ANKFN1: variants seen among roughly 807,000 people sequenced by gnomAD.
ANKFN1 encodes the protein ankyrin repeat and fibronectin type III domain containing 1, also known as ankyrin repeat and fibronectin type-III domain-containing protein 1.
Under a neutral mutation model 108.7 loss-of-function variants are expected in ANKFN1, and 74 were observed. That is an observed-to-expected ratio of 0.68 (90% CI 0.56 to 0.83). ANKFN1 has a LOEUF of 0.83. Ranked by LOEUF, ANKFN1 falls within the 40% of genes least tolerant of loss-of-function variation. The probability of loss-of-function intolerance (pLI) is 0.00; values close to 1 mark genes in which losing one functional copy is unlikely to be tolerated. For missense variants in ANKFN1, 1,505 were observed against 1,382.3 expected (o/e 1.09, Z -1.41); for synonymous variants, 547 against 516.2 (o/e 1.06, Z -0.81).
At chr17:56,502,573 C>A (rs2051409000) in intron 20 of ANKFN1, among the ~76,000 whole-genome samples, 1 of 152,180 alleles carries the variant, frequency 6.6e-6, no homozygotes, top group Non-Finnish European at 1.5e-5. Flanking sequence ...TGTCCTACCC[C>A]TCACAAAAGC....
At chr17:56,379,120 C>T (rs962640526) in intron 8 of ANKFN1, among the ~76,000 whole-genome samples, 9 of 152,064 alleles carry the variant, frequency 5.9e-5, no homozygotes, top group African/African-American at 1.7e-4. Flanking sequence ...AAGGTCAGGC[C>T]GGGCGCGGTG....
chr17:56,385,374 A>T (rs1183970651), intron 8 of ANKFN1, among the ~76,000 whole-genome samples: 1 of 152,252 alleles, frequency 6.6e-6, no homozygotes, highest in Non-Finnish European at 1.5e-5. Context: ...ACCCTAGAAG[A>T]AAGCCTAGGC....
At chr17:56,243,489 G>A (rs572890959) in intron 3 of ANKFN1, among the ~76,000 whole-genome samples, 4 of 152,250 alleles carry the variant, frequency 2.6e-5, no homozygotes, top group East Asian at 1.9e-4. Context: ...CAAGGACAGC[G>A]AACTTTTTCT....
intron 8 of ANKFN1, among the ~76,000 whole-genome samples, chr17:56,397,563 A>G (rs1049624967): frequency 1.3e-5 from 2 of 152,240 alleles, no homozygotes; most frequent in African/African-American, 2.4e-5. Context: ...GATTAACTAT[A>G]TTCTAAAAAA....
chr17:56,467,525 C>G (rs2050116110), intron 15 of ANKFN1, among the ~76,000 whole-genome samples: 2 of 151,342 alleles, frequency 1.3e-5, no homozygotes, highest in Admixed American at 6.6e-5. Context: ...ACTAGAAATA[C>G]AAAAATTAGC....
intron 4 of ANKFN1, among the ~76,000 whole-genome samples, chr17:56,329,242 G>A (rs937109808): frequency 6.6e-6 from 1 of 152,132 alleles, no homozygotes; most frequent in African/African-American, 2.4e-5. Flanking sequence ...TGTGGTTGAT[G>A]AAATGTACCA....
At chr17:56,330,288 A>G (rs567237100) in intron 4 of ANKFN1, among the ~76,000 whole-genome samples, 1 of 152,308 alleles carries the variant, frequency 6.6e-6, no homozygotes, top group South Asian at 2.1e-4. Flanking sequence ...ACATGGCGGC[A>G]GGCAAGAGCA....
At chr17:56,373,589 C>T (rs943972151) in intron 7 of ANKFN1, among the ~76,000 whole-genome samples, 3 of 152,184 alleles carry the variant, frequency 2.0e-5, no homozygotes, top group African/African-American at 7.2e-5. Context: ...AAGGTCTCTG[C>T]CTCTGCTGCA....
At chr17:56,457,818 T>C in intron 13 of ANKFN1, 45 bp from the exon 14 acceptor site, 1 of 1,437,556 alleles carries the variant, frequency 7.0e-7, no homozygotes, top group Non-Finnish European at 9.8e-7. Context: ...ACCTAAATCA[T>C]GTACTGGCTT....
At chr17:56,048,475 T>C (rs1334428920) in intron 4 of ANKFN1, among the ~76,000 whole-genome samples, 1 of 152,026 alleles carries the variant, frequency 6.6e-6, no homozygotes, top group African/African-American at 2.4e-5. Context: ...GCACATTAGA[T>C]TCTTTATTTT....
At chr17:56,384,227 C>T (rs1028743205) in intron 8 of ANKFN1, among the ~76,000 whole-genome samples, 3 of 152,172 alleles carry the variant, frequency 2.0e-5, no homozygotes, top group African/African-American at 7.2e-5. Flanking sequence ...AAGACGAAAA[C>T]CACGTGATTA....
intron 8 of ANKFN1, among the ~76,000 whole-genome samples, chr17:56,378,147 C>G: frequency 6.6e-6 from 1 of 152,210 alleles, no homozygotes; most frequent in East Asian, 1.9e-4. Flanking sequence ...CATAGTGTAT[C>G]TGCTTCTGCA....
At chr17:56,094,672 T>TG (rs1326407515) in intron 4 of ANKFN1, among the ~76,000 whole-genome samples, 1 of 76,384 alleles carries the variant, frequency 1.3e-5, no homozygotes, top group Non-Finnish European at 2.7e-5. Flanking sequence ...CCCAGCTAAT[T>TG]GGGTTTTTTT....
chr17:56,164,809 T>C (rs775179503), intron 1 of ANKFN1, among the ~76,000 whole-genome samples: 2 of 152,216 alleles, frequency 1.3e-5, no homozygotes, highest in East Asian at 1.9e-4. Flanking sequence ...TTGAAAATAC[T>C]TGATGGTGAT....
intron 4 of ANKFN1, among the ~76,000 whole-genome samples, chr17:56,082,247 T>G (rs1905254436): frequency 6.6e-6 from 1 of 151,872 alleles, no homozygotes; most frequent in East Asian, 1.9e-4. Context: ...TGCTTCCTGA[T>G]ACAACCAAGT....
At chr17:56,467,767 GAA>G (rs200356727) in intron 15 of ANKFN1, among the ~76,000 whole-genome samples, 1 of 23,524 alleles carries the variant, frequency 4.3e-5, no homozygotes, top group Non-Finnish European at 8.2e-5. Context: ...AAGAAAGAAA[GAA>G]AGAAAGAAAG....
chr17:56,152,311 T>C (rs1462460625), upstream of ANKFN1, among the ~76,000 whole-genome samples: 2 of 150,848 alleles, frequency 1.3e-5, no homozygotes, highest in African/African-American at 4.9e-5. Flanking sequence ...TGTTTAATTT[T>C]TCTGAGTGCC....
At chr17:56,368,096 T>C in intron 6 of ANKFN1, 1 of 1,073,800 alleles carries the variant, frequency 9.3e-7, no homozygotes, top group Admixed American at 2.8e-5. Context: ...GTTACACTTC[T>C]GTAACACCAG....
chr17:56,282,459 A>C (rs1206294709), intron 3 of ANKFN1, among the ~76,000 whole-genome samples: 2 of 152,196 alleles, frequency 1.3e-5, no homozygotes, highest in African/African-American at 4.8e-5. Context: ...GTATGTAAGC[A>C]TACACCAAAA....
Sources: allele counts gnomAD v4.1 joint callset (sites outside exome capture counted in the v4.1 genomes callset), GRCh38; gene constraint gnomAD v4.1.1; transcripts MANE v1.5; gene names NCBI Gene and HGNC (gene_info 2026-07-23, HGNC 2026-07-21).